Variants in MVD observed in about 807,000 individuals in gnomAD.
The protein encoded by MVD is diphosphomevalonate decarboxylase.
A neutral mutation model predicts 42.4 loss-of-function variants in MVD; 52 were observed. The observed-to-expected ratio is 1.23, with a 90% CI of 0.98 to 1.55. The LOEUF is 1.55. Among genes scored for constraint, MVD ranks in the 40% most tolerant of loss-of-function variants. The pLI, the probability that MVD is intolerant of heterozygous loss-of-function variation, is 0.00. For synonymous variants in MVD, 287 were observed against 243.2 expected (o/e 1.18, Z -1.68); for missense variants, 663 against 572.1 (o/e 1.16, Z -1.62).
At chr16:88,659,658 G>C (rs935438227) in intron 1 of MVD, among the ~76,000 whole-genome samples, 1 of 152,128 alleles carries the variant, frequency 6.6e-6, no homozygotes, top group Non-Finnish European at 1.5e-5. Context: ...AGGAAGGGCA[G>C]CCTAGCAACA....
chr16:88,658,832 T>G, intron 1 of MVD, 112 bp from the exon 2 acceptor site: 1 of 707,440 alleles, frequency 1.4e-6, no homozygotes, highest in Non-Finnish European at 2.2e-6. Flanking sequence ...CTCAGTCCCG[T>G]CTCTCACCGC....
chr16:88,656,135 G>A lies in MVD; in HGVS notation c.573C>T (p.His191=). 1.2e-6 allele frequency: 2 copies of A among 1,601,960 alleles called. No homozygotes were observed. Among genetic ancestry groups the A allele is most frequent in the Non-Finnish European group, 1.7e-6 (2 of 1,179,904 alleles). ...GGATGAGCACGCGGAGTTCAGGCCA[G>A]TGTGACTCGGGGGCCACTTGCCGAG... ...SIARQVAPES[H]WPELRVLILV... is the part of the protein sequence containing the mutation. The change falls in exon 5 of 10, where the codon CAC becomes CAT. Residue 191 remains histidine, a synonymous_variant. Coordinates refer to ENST00000301012, the MANE Select transcript of MVD (RefSeq NM_002461.3).
chr16:88,652,487 C>A lies in MVD; in HGVS notation c.*38G>T. On this transcript the variant is annotated 3_prime_UTR_variant, in exon 10 of 10. Transcript: ENST00000301012. Reference sequence around the variant, plus strand: ...CCGCTCCCTAGCTCCGGCGAGGCCACCCCTTCTCCAAGCGGCATGCGGTCC... The same window carrying A: ...CCGCTCCCTAGCTCCGGCGAGGCCAACCCTTCTCCAAGCGGCATGCGGTCC... 6.5e-7 allele frequency: 1 copy of A among 1,550,218 alleles called. No homozygotes were observed. The highest frequency in any genetic ancestry group is 8.7e-7 in the Non-Finnish European group (1 of 1,146,334).
At chr16:88,658,760 G>GCCCCCCC in intron 1 of MVD, 40 bp from the exon 2 acceptor site, 16 of 1,440,590 alleles carry the variant, frequency 1.1e-5, no homozygotes, top group South Asian at 3.6e-5. Context: ...GGGCTTCCCG[G>GCCCCCCC]CCCACCCTCC....
chr16:88,654,884 C>A, intron 7 of MVD, 77 bp from the exon 8 acceptor site: 3 of 1,371,138 alleles, frequency 2.2e-6, no homozygotes, highest in Non-Finnish European at 2.9e-6. Flanking sequence ...GTCTGCCAGG[C>A]GGCCTTGGGC....
chr16:88,661,205 GCAGA>G (rs1458644897), intron 1 of MVD, among the ~76,000 whole-genome samples: 3 of 152,128 alleles, frequency 2.0e-5, no homozygotes, highest in African/African-American at 7.2e-5. Context: ...TTGGAGGAAA[GCAGA>G]CAATCTTCAG....
intron 1 of MVD, chr16:88,660,482 T>C (rs1388466149): frequency 6.6e-6 from 1 of 151,330 alleles, no homozygotes; most frequent in Admixed American, 6.6e-5. Context: ...CCGTCTCCAC[T>C]AAAAGTACAA....
At chr16:88,661,393 A>T (rs578160042) in intron 1 of MVD, among the ~76,000 whole-genome samples, 13 of 151,950 alleles carry the variant, frequency 8.6e-5, no homozygotes, top group South Asian at 2.1e-4. Context: ...TACATATTTT[A>T]TTTTTTTTCA....
chr16:88,658,553 G>C (rs917934140), intron 2 of MVD, 97 bp downstream of exon 2: 197 of 1,206,598 alleles, frequency 1.6e-4, no homozygotes, highest in Non-Finnish European at 2.3e-4. Flanking sequence ...CAAGTGCTGG[G>C]ATTGCAGATG....
At chr16:88,657,200 G>C (rs1366409488) in intron 4 of MVD, 1 of 694,604 alleles carries the variant, frequency 1.4e-6, no homozygotes, top group African/African-American at 1.8e-5. Context: ...TCCCCCATCA[G>C]CCTCTTAAGT....
intron 1 of MVD, 70 bp from the exon 2 acceptor site, chr16:88,658,790 G>A (rs562706390): frequency 7.9e-6 from 10 of 1,263,380 alleles, no homozygotes; most frequent in Middle Eastern, 2.7e-4. Context: ...CCCCACAGGT[G>A]CCCCCACCCC....
intron 1 of MVD, among the ~76,000 whole-genome samples, chr16:88,659,490 C>T (rs1309345783): frequency 6.6e-6 from 1 of 152,224 alleles, no homozygotes; most frequent in East Asian, 1.9e-4. Flanking sequence ...CTGGGGACAA[C>T]TGAGACCCTG....
In MVD at chr16:88,655,986, C is replaced by T. The variant is rs3736110; in HGVS notation, c.603+119G>A. The stretch of plus-strand genomic sequence containing the variant: ...ACCACGCTTCTGTTCCTTCAGCCCC[C>T]GCTGACCCCAGGAGCCAAGCAAAGC... On this transcript the variant is annotated intron_variant, in intron 5 of 9. Transcript: ENST00000301012. 1.8e-3 allele frequency: 2,539 copies of T among 1,373,362 alleles called. 54 individuals carry two copies. The East Asian group carries it at 0.048, about 26-fold the overall frequency. 85.1% of individuals were successfully genotyped at this position (1,373,362 alleles called of 1,614,324 possible). A position where few individuals can be genotyped will look rare whatever the true frequency, so the allele number is the denominator to read the frequency against.
intron 1 of MVD, among the ~76,000 whole-genome samples, chr16:88,660,129 A>C (rs911943556): frequency 6.6e-6 from 1 of 152,000 alleles, no homozygotes; most frequent in Non-Finnish European, 1.5e-5. Context: ...GACTCCCCTG[A>C]CCTGCCGGCT....
chr16:88,663,084 C>G lies in MVD; in HGVS notation c.-4G>C, dbSNP rs758541570. On this transcript the variant is annotated 5_prime_UTR_variant, in exon 1 of 10. Transcript: ENST00000301012. ...CCAGCGGCTTCTCCGAGGCCATGGT[C>G]CCACCGCGCAGTGACCCCAGCTCCA... is the stretch of plus-strand genomic sequence containing the variant. 2 of 1,608,768 alleles carry G rather than the reference C, an allele frequency of 1.2e-6. No homozygotes were observed. The highest frequency in any genetic ancestry group is 2.2e-5 in the East Asian group (1 of 44,610).
At chr16:88,657,348 C>A (rs1325615883) in intron 4 of MVD, 88 bp downstream of exon 4, 1 of 1,510,390 alleles carries the variant, frequency 6.6e-7, no homozygotes, top group African/African-American at 1.4e-5. Context: ...TAGCCACGCC[C>A]AGCAGTGGGC....
chr16:88,652,832 G>T (rs1426757336), intron 9 of MVD, among the ~76,000 whole-genome samples: 1 of 152,196 alleles, frequency 6.6e-6, no homozygotes. Context: ...TCTGTCACAG[G>T]GGGGACAGAG....
chr16:88,657,716 G>T, intron 3 of MVD, 134 bp from the exon 4 acceptor site: 1 of 1,392,186 alleles, frequency 7.2e-7, no homozygotes, highest in Non-Finnish European at 9.7e-7. Flanking sequence ...TTTCTTACCC[G>T]GGAAAACCCC....
At position 88,652,410 on chromosome 16, in the gene MVD, C is replaced by T. The variant is rs527457996; in HGVS notation, c.*115G>A. The T allele has an allele frequency of 8.1e-5, 97 of 1,201,544 alleles. No homozygotes were observed. The highest frequency in any genetic ancestry group is 2.7e-4 in the Middle Eastern group (1 of 3,764). The allele number at this position is 1,201,544 out of a possible 1,614,324, so 74.4% of individuals were successfully genotyped here. ...CCCCACAGCAAGCTGCCCATGGGCCCGGGGTCAAGCCACCACCCACATGTC... is the reference window on the plus strand; with the variant it reads ...CCCCACAGCAAGCTGCCCATGGGCCTGGGGTCAAGCCACCACCCACATGTC... On this transcript the variant is annotated 3_prime_UTR_variant, in exon 10 of 10. Coordinates refer to ENST00000301012, the MANE Select transcript of MVD (RefSeq NM_002461.3).
Sources: gnomAD v4.1 joint callset for allele counts (sites outside exome capture counted in the v4.1 genomes callset) on GRCh38, gnomAD v4.1.1 for gene constraint, MANE v1.5 for transcripts, NCBI Gene and HGNC (gene_info 2026-07-23, HGNC 2026-07-21) for gene names.